The following SEC14L1 variants were observed in gnomAD, a reference collection of about 807,000 sequenced individuals.
SEC14L1 encodes SEC14 like lipid binding 1.
Under a neutral mutation model 85.3 loss-of-function variants are expected in SEC14L1, and 48 were observed. The observed-to-expected ratio is 0.56, with a 90% CI of 0.45 to 0.72. The LOEUF (loss-of-function observed/expected upper bound fraction) is 0.72. Ranked by LOEUF, SEC14L1 falls within the 30% of genes least tolerant of loss-of-function variation. The pLI is 0.00. For missense variants in SEC14L1, 682 were observed against 921.4 expected, an observed-to-expected ratio of 0.74 and a Z score of 3.36; for synonymous variants, 391 against 355.5, an observed-to-expected ratio of 1.10 and a Z score of -1.12.
At chr17:77,098,705 C>T (rs781545193) in intron 3 of SEC14L1, among the ~76,000 whole-genome samples, 6 of 152,116 alleles carry the variant, frequency 3.9e-5, no homozygotes, top group Admixed American at 2.6e-4. Flanking sequence ...GTGACAAGGA[C>T]CTCAGCCCTG....
rs1977123635 is a variant in SEC14L1 at position 77,216,809 on chromosome 17, G to A, written c.*2786G>A. ...TAATCCAATCTCACTCCCCTTGTAA[G>A]GGAATTCTGGGGCAGCTATGGTTTG... On this transcript the variant is annotated 3_prime_UTR_variant, in exon 17 of 17. Transcript: ENST00000436233. 1.7e-6 allele frequency: 1 copy of A among 588,216 alleles called. No homozygotes were observed. The highest frequency in any genetic ancestry group is 2.9e-6 in the Non-Finnish European group (1 of 350,094). 36.4% of individuals were successfully genotyped at this position (588,216 alleles called of 1,614,324 possible). A position where few individuals can be genotyped will look rare whatever the true frequency, so the allele number is the denominator to read the frequency against.
intron 3 of SEC14L1, among the ~76,000 whole-genome samples, chr17:77,184,996 T>C (rs1182172623): frequency 6.6e-6 from 1 of 152,186 alleles, no homozygotes; most frequent in Non-Finnish European, 1.5e-5. Flanking sequence ...CAGTTAGAAT[T>C]GTGTATGCTG....
chr17:77,183,424 C>T (rs1357960421), intron 3 of SEC14L1, among the ~76,000 whole-genome samples: 2 of 152,200 alleles, frequency 1.3e-5, no homozygotes, highest in Non-Finnish European at 2.9e-5. Flanking sequence ...TTTACCCCTA[C>T]ATACTAAAAC....
In SEC14L1 at chr17:77,194,780, C is replaced by A; in HGVS notation, c.578C>A (p.Ser193Tyr). The change falls in exon 7 of 17, where the codon TCT (serine) becomes TAT (tyrosine). Residue 193 changes from serine (S) to tyrosine (Y), a missense_variant. Ser to Tyr is a moderately radical substitution (Grantham distance 144, BLOSUM62 -2). Coordinates refer to ENST00000436233, the MANE Select transcript of SEC14L1 (RefSeq NM_001143998.2). ...PPSITTSSET[S>Y]SSSSKKQAAS... ...TCCATCACGACCTCTTCAGAGACAT[C>A]TTCATCATCCTCCAAGAAACAAGCA... 6.2e-7 allele frequency: 1 copy of A among 1,614,188 alleles called. No individual in the cohort carries two copies. The highest frequency in any genetic ancestry group is 1.3e-5 in the African/African-American group (1 of 75,048).
chr17:77,216,938 C>T lies in SEC14L1; in HGVS notation c.*2915C>T. ...AGTACTAATGATTCTTTGATTCTCC[C>T]TCTATTATGTCTTAATTCACTTTCC... On this transcript the variant is annotated 3_prime_UTR_variant, in exon 17 of 17. Coordinates refer to ENST00000436233, the MANE Select transcript of SEC14L1 (RefSeq NM_001143998.2). 2 of 202,448 alleles carry T rather than the reference C, an allele frequency of 9.9e-6. No individual in the cohort carries two copies. The highest frequency in any genetic ancestry group is 2.0e-5 in the Non-Finnish European group (2 of 98,118). The allele number at this position is 202,448 out of a possible 1,614,324, so 12.5% of individuals were successfully genotyped here.
At position 77,216,664 on chromosome 17, in the gene SEC14L1, A is replaced by G; in HGVS notation, c.*2641A>G. The stretch of plus-strand genomic sequence containing the variant: ...CCATCCCCTGCCCCCTCCCAGGCTG[A>G]AGATCTGTTCTTTTTAAGTTGATTC... On this transcript the variant is annotated 3_prime_UTR_variant, in exon 17 of 17. Transcript: ENST00000436233. The G allele has an allele frequency of 1.2e-6, 2 of 1,603,100 alleles. No individual in the cohort carries two copies. The highest frequency in any genetic ancestry group is 1.7e-6 in the Non-Finnish European group (2 of 1,172,002).
At chr17:77,117,596 A>G (rs1356670770) in intron 3 of SEC14L1, among the ~76,000 whole-genome samples, 1 of 152,150 alleles carries the variant, frequency 6.6e-6, no homozygotes, top group Middle Eastern at 3.2e-3. Context: ...AATTTTCCCC[A>G]TGGAGTTGGC....
chr17:77,153,264 A>G (rs1461594414), intron 3 of SEC14L1, among the ~76,000 whole-genome samples: 1 of 152,100 alleles, frequency 6.6e-6, no homozygotes, highest in Non-Finnish European at 1.5e-5. Flanking sequence ...ATGGGGTTTC[A>G]CCACGTTGGC....
At chr17:77,196,369 C>A in intron 8 of SEC14L1, 58 bp downstream of exon 8, 1 of 1,018,368 alleles carries the variant, frequency 9.8e-7, no homozygotes. Context: ...ATCATGGAAT[C>A]TCTTTCTGTC....
At chr17:77,173,425 AGG>A (rs1974609794) in intron 3 of SEC14L1, among the ~76,000 whole-genome samples, 14 of 150,994 alleles carry the variant, frequency 9.3e-5, no homozygotes, top group Non-Finnish European at 1.8e-4. Context: ...TATCTGGCTG[AGG>A]CAGATGGTCT....
At chr17:77,162,286 GC>G (rs966056756) in intron 3 of SEC14L1, among the ~76,000 whole-genome samples, 71 of 152,322 alleles carry the variant, frequency 4.7e-4, no homozygotes, top group African/African-American at 1.6e-3. Context: ...ACAGATGGTA[GC>G]TTCGCCCCAT....
Position 77,213,761 on chromosome 17 carries a change from T to C in SEC14L1, c.2043-157T>C. The C allele has an allele frequency of 9.9e-7, 1 of 1,006,898 alleles. No individual in the cohort carries two copies. The highest frequency in any genetic ancestry group is 1.5e-6 in the Non-Finnish European group (1 of 656,416). The allele number at this position is 1,006,898 out of a possible 1,614,324, so 62.4% of individuals were successfully genotyped here. ...GCAGGCTGTGGGAAGCCGGTCCCCC[T>C]GGTGGGTTACTCATGTCCATCCCCC... On this transcript the variant is annotated intron_variant, in intron 16 of 16. Coordinates refer to ENST00000436233, the MANE Select transcript of SEC14L1 (RefSeq NM_001143998.2). The surrounding 1 kb of genome is among the most constrained non-coding windows in gnomAD (Gnocchi z 7.1).
chr17:77,195,032 G>A, intron 7 of SEC14L1, 121 bp downstream of exon 7: 1 of 694,554 alleles, frequency 1.4e-6, no homozygotes, highest in Non-Finnish European at 2.4e-6. Context: ...AGAAAGGAAA[G>A]ACCCGTCTCT....
intron 3 of SEC14L1, among the ~76,000 whole-genome samples, chr17:77,174,606 G>A (rs868516566): frequency 1.2e-4 from 19 of 152,030 alleles, no homozygotes; most frequent in African/African-American, 3.1e-4. Context: ...GGGTTTATTC[G>A]TCACACCAGG....
intron 2 of SEC14L1, chr17:77,089,547 A>G (rs764249283): frequency 2.1e-6 from 1 of 475,578 alleles, no homozygotes; most frequent in Non-Finnish European, 4.2e-6. Context: ...TTGCTTTTCA[A>G]AACTTCATAA....
chr17:77,141,949 T>G (rs1359071805), intron 1 of SEC14L1, among the ~76,000 whole-genome samples: 1 of 152,184 alleles, frequency 6.6e-6, no homozygotes, highest in Non-Finnish European at 1.5e-5. Context: ...AAAAAGAACG[T>G]GGTCCCAGCA....
chr17:77,214,751 AT>A lies in SEC14L1; in HGVS notation c.*733del, dbSNP rs1272238008. The A allele has an allele frequency of 2.0e-6, 2 of 985,082 alleles. No homozygotes were observed. Among genetic ancestry groups the A allele is most frequent in the African/African-American group, 3.5e-5 (2 of 57,112 alleles). The allele number at this position is 985,082 out of a possible 1,614,324, so 61.0% of individuals were successfully genotyped here. ...TCTTTTTGATACTTTTTAGAGCAGG[AT>A]TTTTCTGTATGTGAACTTGGGTGGG... is the stretch of plus-strand genomic sequence containing the variant. On this transcript the variant is annotated 3_prime_UTR_variant, in exon 17 of 17. Transcript: ENST00000436233.
chr17:77,132,994 G>A (rs975405677), intron 3 of SEC14L1, among the ~76,000 whole-genome samples: 1 of 151,778 alleles, frequency 6.6e-6, no homozygotes, highest in Non-Finnish European at 1.5e-5. Context: ...TCAGCCTCCC[G>A]AGTAGCTGGG....
chr17:77,130,598 C>T (rs1972583638), intron 3 of SEC14L1, among the ~76,000 whole-genome samples: 1 of 151,876 alleles, frequency 6.6e-6, no homozygotes, highest in African/African-American at 2.4e-5. Context: ...GCTGGGATGA[C>T]AGGCGTGAGC....
Sources: gnomAD v4.1 joint callset for allele counts (sites outside exome capture counted in the v4.1 genomes callset) on GRCh38, gnomAD v4.1.1 for gene constraint, Gnocchi (gnomAD v3.1) non-coding constraint, MANE v1.5 for transcripts, NCBI Gene and HGNC (gene_info 2026-07-23, HGNC 2026-07-21) for gene names.